The following FGGY variants were observed in gnomAD, a reference collection of about 807,000 sequenced individuals.
The protein encoded by FGGY is FGGY carbohydrate kinase domain containing.
Under a neutral mutation model 71.3 loss-of-function variants are expected in FGGY, and 72 were observed. That is an observed-to-expected ratio of 1.01 (90% CI 0.84 to 1.23). FGGY has a LOEUF of 1.23. Ranked by LOEUF, FGGY falls within the 50% of genes most tolerant of loss-of-function variation. The pLI is 0.00. For synonymous variants in FGGY, 251 were observed against 250.3 expected, an observed-to-expected ratio of 1.00 and a Z score of -0.02; for missense variants, 668 against 682.3, an observed-to-expected ratio of 0.98 and a Z score of 0.23.
intron 8 of FGGY, among the ~76,000 whole-genome samples, chr1:59,597,514 A>G (rs1016338623): frequency 7.2e-5 from 11 of 152,180 alleles, no homozygotes; most frequent in South Asian, 2.1e-4. Flanking sequence ...TTTAAAAAAA[A>G]GTTAAACCCC....
At chr1:59,324,101 C>CAT (rs2046894304) in intron 2 of FGGY, among the ~76,000 whole-genome samples, 1 of 152,066 alleles carries the variant, frequency 6.6e-6, no homozygotes, top group East Asian at 1.9e-4. Context: ...TTCCCTAAGT[C>CAT]ATTCACATTG....
chr1:59,368,784 G>A (rs184698865), intron 4 of FGGY, among the ~76,000 whole-genome samples: 88 of 152,278 alleles, frequency 5.8e-4, no homozygotes, highest in Non-Finnish European at 1.9e-4. Context: ...TGTGAATCAG[G>A]TAGCCTAATA....
At chr1:59,717,103 T>A (rs2100498113) in intron 14 of FGGY, among the ~76,000 whole-genome samples, 1 of 152,256 alleles carries the variant, frequency 6.6e-6, no homozygotes, top group South Asian at 2.1e-4. Flanking sequence ...TATCATCCTG[T>A]TTTACAGATA....
chr1:59,321,770 T>G lies in FGGY; in HGVS notation c.201+20T>G. 5 of 1,600,572 alleles carry G rather than the reference T, an allele frequency of 3.1e-6. No individual in the cohort carries two copies. Among genetic ancestry groups the G allele is most frequent in the Non-Finnish European group, 4.3e-6 (5 of 1,173,660 alleles). ...ACAAAGGTATGGGCAAAACTGGTGT[T>G]CTCTCCTTGTTCATATTCCTACCTG... is the stretch of plus-strand genomic sequence containing the variant. On this transcript the variant is annotated intron_variant, in intron 2 of 15. Transcript: ENST00000303721.
intron 5 of FGGY, 28 bp from the exon 6 acceptor site, chr1:59,456,933 T>G (rs776575099): frequency 6.5e-7 from 1 of 1,541,522 alleles, no homozygotes; most frequent in Non-Finnish European, 9.0e-7. Context: ...TATGGTCAGT[T>G]CTATCTATAT....
intron 2 of FGGY, among the ~76,000 whole-genome samples, chr1:59,328,177 T>C (rs2047772691): frequency 6.6e-6 from 1 of 152,368 alleles, no homozygotes; most frequent in Admixed American, 6.5e-5. Flanking sequence ...AAGTCCTAGA[T>C]GGTATCTTCT....
chr1:59,453,460 T>A (rs923758727), intron 5 of FGGY, among the ~76,000 whole-genome samples: 2 of 152,216 alleles, frequency 1.3e-5, no homozygotes, highest in African/African-American at 4.8e-5. Flanking sequence ...TTTAATACAG[T>A]AATCATTTAT....
chr1:59,466,087 C>A (rs60922032), intron 6 of FGGY, among the ~76,000 whole-genome samples: 3,730 of 152,234 alleles, frequency 0.025, 166 homozygotes, highest in African/African-American at 0.086. Flanking sequence ...AGGCATCATG[C>A]TACCTGACTT....
intron 11 of FGGY, among the ~76,000 whole-genome samples, chr1:59,640,833 T>C (rs1215801762): frequency 1.3e-5 from 2 of 151,110 alleles, no homozygotes; most frequent in Non-Finnish European, 1.5e-5. Flanking sequence ...TGTATCATAA[T>C]TATGAGACTG....
rs936067955 is a variant in FGGY at position 59,687,223 on chromosome 1, A to G, written c.1512+13090A>G. Among the ~76,000 whole-genome samples the G allele has an allele frequency of 1.6e-4, 25 of 152,140 alleles. 1 individual carries two copies. Among genetic ancestry groups the G allele is most frequent in the Non-Finnish European group, 3.2e-4 (22 of 68,020 alleles). ...TCAGGTCATTTCTCCCCTTCACTACAGCAGCAGCTGCATTTTCTGTCTGAT... is the reference window on the plus strand; with the variant it reads ...TCAGGTCATTTCTCCCCTTCACTACGGCAGCAGCTGCATTTTCTGTCTGAT... On this transcript the variant is annotated intron_variant, in intron 14 of 15. Coordinates refer to ENST00000303721, the MANE Select transcript of FGGY (RefSeq NM_018291.5).
intron 6 of FGGY, among the ~76,000 whole-genome samples, chr1:59,481,756 G>A (rs189330638): frequency 4.1e-4 from 62 of 152,180 alleles, no homozygotes; most frequent in African/African-American, 1.5e-3. Flanking sequence ...CAAGGCCAGC[G>A]GTCTAAGTAA....
chr1:59,487,619 TA>T, intron 6 of FGGY, among the ~76,000 whole-genome samples: 1 of 152,214 alleles, frequency 6.6e-6, no homozygotes, highest in South Asian at 2.1e-4. Flanking sequence ...GGCACTCAGT[TA>T]AGCTTAGGGT....
chr1:59,694,080 T>C (rs189324905), intron 14 of FGGY, among the ~76,000 whole-genome samples: 1 of 151,664 alleles, frequency 6.6e-6, no homozygotes, highest in East Asian at 1.9e-4. Flanking sequence ...GGAGGGCGGA[T>C]TACAAGGTCA....
At chr1:59,384,133 T>G (rs1274319209) in intron 5 of FGGY, among the ~76,000 whole-genome samples, 1 of 152,134 alleles carries the variant, frequency 6.6e-6, no homozygotes, top group East Asian at 1.9e-4. Flanking sequence ...CAGAAATGAT[T>G]TATTGGCTGT....
At chr1:59,456,627 T>C (rs1299740938) in intron 5 of FGGY, among the ~76,000 whole-genome samples, 1 of 152,106 alleles carries the variant, frequency 6.6e-6, no homozygotes, top group Non-Finnish European at 1.5e-5. Flanking sequence ...TTTGTATTTT[T>C]AGTAGAGACG....
intron 1 of FGGY, among the ~76,000 whole-genome samples, chr1:59,318,397 G>A (rs562336801): frequency 3.3e-5 from 5 of 152,170 alleles, no homozygotes; most frequent in Admixed American, 6.5e-5. Context: ...TGACACAGGC[G>A]GCAGCTGGAA....
intron 5 of FGGY, among the ~76,000 whole-genome samples, chr1:59,447,479 A>T (rs2071557103): frequency 6.6e-6 from 1 of 152,036 alleles, no homozygotes; most frequent in Non-Finnish European, 1.5e-5. Context: ...CCTTACCTGG[A>T]CCTTTTATCG....
intron 7 of FGGY, among the ~76,000 whole-genome samples, chr1:59,542,575 G>GCGTCC (rs551931926): frequency 4.9e-5 from 7 of 141,582 alleles, no homozygotes; most frequent in Non-Finnish European, 9.0e-5. Flanking sequence ...TTCTGTCTCA[G>GCGTCC]CGTCCCGAGT....
chr1:59,553,054 G>C (rs2095633453), intron 7 of FGGY, among the ~76,000 whole-genome samples: 2 of 152,214 alleles, frequency 1.3e-5, no homozygotes, highest in African/African-American at 2.4e-5. Context: ...TTAGGAGTCG[G>C]CCTGACAGCG....
Sources: allele counts gnomAD v4.1 joint callset (sites outside exome capture counted in the v4.1 genomes callset), GRCh38; gene constraint gnomAD v4.1.1; transcripts MANE v1.5; gene names NCBI Gene and HGNC (gene_info 2026-07-23, HGNC 2026-07-21).